Variants in GARRE1 observed in about 807,000 individuals in gnomAD.
The protein encoded by GARRE1 is granule associated Rac and RHOG effector 1, also known as granule associated Rac and RHOG effector protein 1.
Under a neutral mutation model 103.2 loss-of-function variants are expected in GARRE1, and 49 were observed. The observed-to-expected ratio is 0.47, with a 90% CI of 0.38 to 0.60. GARRE1 has a LOEUF of 0.60. GARRE1 is among the 20% of genes least tolerant of loss of function. The pLI, the probability that GARRE1 is intolerant of heterozygous loss-of-function variation, is 0.00. For synonymous variants in GARRE1, 505 were observed against 532.8 expected, an observed-to-expected ratio of 0.95 and a Z score of 0.72; for missense variants, 1,199 against 1,370.5, an observed-to-expected ratio of 0.87 and a Z score of 1.98.
intron 1 of GARRE1, among the ~76,000 whole-genome samples, chr19:34,263,408 G>A (rs1310392291): frequency 6.6e-6 from 1 of 151,852 alleles, no homozygotes; most frequent in Non-Finnish European, 1.5e-5. Flanking sequence ...GTTAGGCTGA[G>A]TTAGCTTTTT....
chr19:34,281,759 G>T (rs1025382021), intron 1 of GARRE1, among the ~76,000 whole-genome samples: 2 of 151,522 alleles, frequency 1.3e-5, no homozygotes, highest in Non-Finnish European at 2.9e-5. Flanking sequence ...TCTCTGTGTG[G>T]CTGTGCCACT....
chr19:34,335,020 G>T (rs890158148), intron 8 of GARRE1, among the ~76,000 whole-genome samples: 2 of 151,906 alleles, frequency 1.3e-5, no homozygotes, highest in African/African-American at 4.8e-5. Context: ...TCCAGCCTGG[G>T]TGACAGAGCG....
chr19:34,336,191 A>AT (rs971048717), intron 8 of GARRE1, among the ~76,000 whole-genome samples: 18 of 151,708 alleles, frequency 1.2e-4, no homozygotes, highest in Admixed American at 5.9e-4. Context: ...GAGTCTCACT[A>AT]TATTAGCCAG....
intron 10 of GARRE1, among the ~76,000 whole-genome samples, chr19:34,346,886 G>A (rs950102242): frequency 6.6e-6 from 1 of 152,034 alleles, no homozygotes; most frequent in African/African-American, 2.4e-5. Context: ...CCAAAGTGCT[G>A]GGATTACAGG....
intron 1 of GARRE1, among the ~76,000 whole-genome samples, chr19:34,293,199 G>A (rs1223236651): frequency 3.9e-5 from 6 of 152,046 alleles, no homozygotes; most frequent in South Asian, 2.1e-4. Flanking sequence ...GTGTATTGGC[G>A]TATTTATAAA....
rs2074227001 is a variant in GARRE1, at chr19:34,349,458, TG to T, written c.2825+307del. Among the ~76,000 whole-genome samples the T allele has an allele frequency of 2.0e-5, 3 of 152,224 alleles. No individual in the cohort carries two copies. The South Asian group carries it at 6.2e-4, about 31-fold the overall frequency. ...AGGCCTTTGGTTGCGAGTTCTAATC[TG>T]GACTCACCAACAGGCTCTGCAACCC... On this transcript the variant is annotated intron_variant, in intron 12 of 13. Transcript: ENST00000299505.
At chr19:34,276,021 G>T (rs116469632) in intron 1 of GARRE1, among the ~76,000 whole-genome samples, 1 of 151,912 alleles carries the variant, frequency 6.6e-6, no homozygotes, top group Non-Finnish European at 1.5e-5. Flanking sequence ...ATCTTTGGAG[G>T]GTTCATCTAT....
intron 2 of GARRE1, among the ~76,000 whole-genome samples, chr19:34,311,498 C>T (rs1352727672): frequency 1.3e-5 from 2 of 152,118 alleles, no homozygotes; most frequent in East Asian, 1.9e-4. Context: ...ATGAGTGTGC[C>T]GAGCAGAAAG....
At position 34,255,071 on chromosome 19, in the gene GARRE1, C is replaced by T. The variant is rs1483001310; in HGVS notation, c.-796+457C>T. ...TGGGGCTAGCCGGGGAGGCGGCCCTCACGCCATCCCGGGGCTGCCGGGCGG... is the reference window on the plus strand; with the variant it reads ...TGGGGCTAGCCGGGGAGGCGGCCCTTACGCCATCCCGGGGCTGCCGGGCGG... On this transcript the variant is annotated intron_variant, in intron 1 of 13. Coordinates refer to ENST00000299505, the MANE Select transcript of GARRE1 (RefSeq NM_014686.5). Among the ~76,000 whole-genome samples, 3 of 151,950 alleles carry T rather than the reference C, an allele frequency of 2.0e-5. No individual in the cohort carries two copies. In the East Asian group the frequency reaches 5.8e-4, roughly 29 times the overall value.
chr19:34,266,801 T>G (rs1332907285), intron 1 of GARRE1, among the ~76,000 whole-genome samples: 1 of 107,164 alleles, frequency 9.3e-6, no homozygotes, highest in Non-Finnish European at 2.4e-5. Flanking sequence ...TTATCTAAAA[T>G]TTATATAATC....
Position 34,301,535 on chromosome 19 carries a change from A to AAAAG in GARRE1, c.495+571_495+574dup, listed in dbSNP as rs1358230660. On this transcript the variant is annotated intron_variant, in intron 2 of 13. Transcript: ENST00000299505. ...TCTCAAAAAAAAAAAAAAAAAAAAA[A>AAAAG]AAAGAAAAATTATTAAACAAACCAG... Among the ~76,000 whole-genome samples, 657 of 139,810 alleles carry AAAAG rather than the reference A, an allele frequency of 4.7e-3. 36 individuals are homozygous for AAAAG. The highest frequency in any genetic ancestry group is 7.3e-3 in the Non-Finnish European group (475 of 64,692). The allele number at this position is 139,810 out of a possible 152,430, so 91.7% of individuals were successfully genotyped here. A position where few individuals can be genotyped will look rare whatever the true frequency, so the allele number is the denominator to read the frequency against.
At chr19:34,289,699 G>A (rs1239250167) in intron 1 of GARRE1, among the ~76,000 whole-genome samples, 1 of 151,438 alleles carries the variant, frequency 6.6e-6, no homozygotes, top group Non-Finnish European at 1.5e-5. Flanking sequence ...ACTCCAGCCT[G>A]GTGACAGAGC....
chr19:34,314,229 A>G (rs1247343671), intron 2 of GARRE1, among the ~76,000 whole-genome samples: 1 of 152,162 alleles, frequency 6.6e-6, no homozygotes, highest in African/African-American at 2.4e-5. Flanking sequence ...GCTAAGGTTT[A>G]TAGCAGTGTA....
chr19:34,268,039 T>C (rs2073763391), intron 1 of GARRE1, among the ~76,000 whole-genome samples: 2 of 152,004 alleles, frequency 1.3e-5, no homozygotes, highest in Middle Eastern at 3.2e-3. Flanking sequence ...CCCAAAGTGC[T>C]GGGATTAGAG....
rs2074237431 is a variant in GARRE1, at chr19:34,351,581, G to C, written c.2893G>C (p.Asp965His). 1 of 1,613,080 alleles carries C rather than the reference G, an allele frequency of 6.2e-7. No homozygotes were observed. Among genetic ancestry groups the C allele is most frequent in the Admixed American group, 1.7e-5 (1 of 59,996 alleles). The change falls in exon 13 of 14, where the codon GAT becomes CAT. Residue 965 changes from aspartate to histidine, a missense_variant. Transcript: ENST00000299505. ...ACCACCTCTCCTCACCACGGTGGAG[G>C]ATGTGAACCAGGTATTCAGGCAGGC... The part of the protein sequence containing the change: ...PSPPLLTTVE[D>H]VNQDNKTKTW...
At chr19:34,297,009 C>T (rs985253272) in intron 1 of GARRE1, among the ~76,000 whole-genome samples, 18 of 152,034 alleles carry the variant, frequency 1.2e-4, no homozygotes, top group African/African-American at 2.2e-4. Flanking sequence ...ATTTTGAGGC[C>T]GGCATGGTGG....
intron 13 of GARRE1, 81 bp from the exon 14 acceptor site, chr19:34,352,566 A>C: frequency 8.2e-7 from 1 of 1,215,122 alleles, no homozygotes; most frequent in Non-Finnish European, 1.2e-6. Context: ...CTAGGAGGGA[A>C]TAAGGGCCAG....
chr19:34,320,351 G>C (rs1484978366), intron 3 of GARRE1, among the ~76,000 whole-genome samples: 1 of 152,238 alleles, frequency 6.6e-6, no homozygotes, highest in Non-Finnish European at 1.5e-5. Context: ...GGGAGAATAG[G>C]CTTACAAAAA....
intron 1 of GARRE1, among the ~76,000 whole-genome samples, chr19:34,258,167 G>A (rs2073687373): frequency 6.6e-6 from 1 of 152,078 alleles, no homozygotes; most frequent in Non-Finnish European, 1.5e-5. Flanking sequence ...GCTTGGCCTT[G>A]ATTGGCCTTC....
Sources: gnomAD v4.1 joint callset for allele counts (sites outside exome capture counted in the v4.1 genomes callset) on GRCh38, gnomAD v4.1.1 for gene constraint, MANE v1.5 for transcripts, NCBI Gene and HGNC (gene_info 2026-07-23, HGNC 2026-07-21) for gene names.